The following FRYL variants were observed in gnomAD, a reference collection of about 807,000 sequenced individuals.
FRYL encodes protein furry homolog-like.
A neutral mutation model predicts 351.2 loss-of-function variants in FRYL; 150 were observed. That is an observed-to-expected ratio of 0.43 (90% CI 0.37 to 0.49). The LOEUF (loss-of-function observed/expected upper bound fraction) is 0.49, where lower values mean the gene tolerates loss of function less well. Ranked by LOEUF, FRYL falls within the 20% of genes least tolerant of loss-of-function variation. FRYL has a pLI of 0.00. For missense variants in FRYL, 3,036 were observed against 3,619.3 expected, an observed-to-expected ratio of 0.84 and a Z score of 4.13; for synonymous variants, 1,153 against 1,257.1, an observed-to-expected ratio of 0.92 and a Z score of 1.75.
At chr4:48,573,636 G>A (rs1366708910) in intron 25 of FRYL, among the ~76,000 whole-genome samples, 7 of 151,972 alleles carry the variant, frequency 4.6e-5, no homozygotes, top group South Asian at 4.2e-4. Context: ...TGCAACTTAC[G>A]CCTCCCGGAT....
intron 3 of FRYL, among the ~76,000 whole-genome samples, chr4:48,639,221 G>A (rs995563261): frequency 2.0e-5 from 3 of 151,978 alleles, no homozygotes; most frequent in African/African-American, 7.3e-5. Flanking sequence ...TATATGGAAA[G>A]GCAAATAATC....
Position 48,515,179 on chromosome 4 carries a change from C to A in FRYL, c.7786G>T (p.Gly2596Ter). 6.2e-7 allele frequency: 1 copy of A among 1,613,958 alleles called. No individual in the cohort carries two copies. The highest frequency in any genetic ancestry group is 8.5e-7 in the Non-Finnish European group (1 of 1,179,902). Residue 2596 changes from glycine (G) to a stop codon, truncating the protein, a stop_gained, in exon 56 of 64, where the codon GGA becomes TGA. Coordinates refer to ENST00000358350, the MANE Select transcript of FRYL (RefSeq NM_015030.2). LOFTEE classifies it high-confidence loss of function. ...QEQQESLVCQ[G>*]ILDLEETEMP... The stretch of plus-strand genomic sequence containing the variant: ...TCAGTTTCTTCTAAATCAAGAATTC[C>A]TTGACACACAAGAGATTCCTGCTGT...
intron 3 of FRYL, among the ~76,000 whole-genome samples, chr4:48,679,481 T>C (rs1309792423): frequency 6.6e-6 from 1 of 152,020 alleles, no homozygotes; most frequent in East Asian, 1.9e-4. Context: ...GGTAATCGCA[T>C]TGTCTATCAA....
intron 1 of FRYL, among the ~76,000 whole-genome samples, chr4:48,763,556 C>A (rs1774631964): frequency 6.6e-6 from 1 of 152,022 alleles, no homozygotes; most frequent in Non-Finnish European, 1.5e-5. Flanking sequence ...AGTACATGTA[C>A]CCCTTAAAAG....
intron 3 of FRYL, among the ~76,000 whole-genome samples, chr4:48,643,974 G>A (rs553170586): frequency 7.2e-5 from 11 of 151,884 alleles, no homozygotes; most frequent in South Asian, 4.2e-4. Flanking sequence ...ATGGAGTTGC[G>A]CTCTTATTGT....
In FRYL at chr4:48,561,608, G is replaced by C. The variant is rs1236398089; in HGVS notation, c.3725C>G (p.Ala1242Gly). ...TGTTCTCTGAACCTCCAATTTGTGA[G>C]CATAGCGAAACATCTTCGGTTCCAG... is the stretch of plus-strand genomic sequence containing the variant. ...QILEPKMFRY[A>G]HKLEVQRTDG... Residue 1242 changes from alanine (A) to glycine (G), a missense_variant, in exon 33 of 64, where the codon GCT (alanine) becomes GGT (glycine). By Grantham distance (60) the Ala-to-Gly change is moderately conservative. Around this residue, in one of 7 missense-constraint regions of FRYL, gnomAD observed 1,987 missense variants for 2,311.7 expected, o/e 0.86. Transcript: ENST00000358350. The C allele has an allele frequency of 1.2e-6, 2 of 1,610,824 alleles. No individual in the cohort carries two copies. Among genetic ancestry groups the C allele is most frequent in the Admixed American group, 3.3e-5 (2 of 59,946 alleles).
rs774211245 is a variant in FRYL, at chr4:48,590,765, T to A, written c.1401A>T (p.Glu467Asp). 3 of 1,613,690 alleles carry A rather than the reference T, an allele frequency of 1.9e-6. No individual in the cohort carries two copies. The Admixed American group carries it at 5.0e-5, about 27-fold the overall frequency. The change falls in exon 17 of 64, where the codon GAA (glutamate) becomes GAT (aspartate). Residue 467 changes from glutamate (E) to aspartate (D), a missense_variant. Around this residue, in one of 7 missense-constraint regions of FRYL, gnomAD observed 457 missense variants for 566.6 expected, o/e 0.81. Coordinates refer to ENST00000358350, the MANE Select transcript of FRYL (RefSeq NM_015030.2). ...TAACTCCTGTTGTTGGCATGGGTGG[T>A]TCACCATCTTTCTGCTGCAAACTGT... ...IADSLQQKDG[E>D]PPMPTTGVIL...
Position 48,540,000 on chromosome 4 carries a change from A to T in FRYL, c.6364T>A (p.Cys2122Ser), listed in dbSNP as rs762658520. 1.4e-5 allele frequency: 22 copies of T among 1,613,116 alleles called. No individual in the cohort carries two copies. Among genetic ancestry groups the T allele is most frequent in the Admixed American group, 6.7e-5 (4 of 59,946 alleles). ...IQHFDSPTQFCKETASRIAKV... is the reference protein window; with the variant it reads ...IQHFDSPTQFSKETASRIAKV... ...GCTATTCGACTAGCTGTTTCTTTGCAAAACTGAGTTGGGCTGTCAAAATGC... is the reference window on the plus strand; with the variant it reads ...GCTATTCGACTAGCTGTTTCTTTGCTAAACTGAGTTGGGCTGTCAAAATGC... Residue 2122 changes from cysteine to serine, a missense_variant, in exon 47 of 64, where the codon TGC (cysteine) becomes AGC (serine). By Grantham distance (112) the Cys-to-Ser change is moderately radical. Transcript: ENST00000358350.
At chr4:48,557,283 A>G (rs1300774175) in intron 34 of FRYL, among the ~76,000 whole-genome samples, 165 bp from the exon 35 acceptor site, 1 of 151,968 alleles carries the variant, frequency 6.6e-6, no homozygotes, top group African/African-American at 2.4e-5. Flanking sequence ...ACATAAATAT[A>G]ATTAATCATA....
intron 1 of FRYL, among the ~76,000 whole-genome samples, chr4:48,774,634 C>T (rs1775833083): frequency 1.3e-5 from 2 of 151,924 alleles, no homozygotes; most frequent in Admixed American, 1.3e-4. Flanking sequence ...CAACTTCCGC[C>T]TCCTGGGTTC....
intron 2 of FRYL, among the ~76,000 whole-genome samples, chr4:48,692,737 T>A (rs900005674): frequency 2.0e-5 from 3 of 152,238 alleles, no homozygotes; most frequent in Non-Finnish European, 4.4e-5. Flanking sequence ...TATTGCTTAT[T>A]TATTATTGTT....
At chr4:48,609,921 G>T in intron 7 of FRYL, 98 bp from the exon 8 acceptor site, 1 of 555,914 alleles carries the variant, frequency 1.8e-6, no homozygotes, top group South Asian at 3.2e-5. Flanking sequence ...CAATCTTAAT[G>T]TTCATGGGAT....
chr4:48,589,364 T>A (rs1034153123), intron 18 of FRYL, among the ~76,000 whole-genome samples: 5 of 126,814 alleles, frequency 3.9e-5, no homozygotes, highest in Admixed American at 2.9e-4. Context: ...TAATCAGAGT[T>A]CAGATTTTCA....
At chr4:48,687,527 A>G (rs1425530593) in intron 2 of FRYL, among the ~76,000 whole-genome samples, 1 of 149,242 alleles carries the variant, frequency 6.7e-6, no homozygotes. Flanking sequence ...GGGGGGCGGA[A>G]AGCCTCGCTT....
chr4:48,586,227 T>C (rs1460235243), intron 19 of FRYL, among the ~76,000 whole-genome samples: 1 of 152,098 alleles, frequency 6.6e-6, no homozygotes, highest in Non-Finnish European at 1.5e-5. Context: ...AAATGAGACC[T>C]GATTACCACT....
At chr4:48,563,105 G>A (rs1342960194) in intron 31 of FRYL, 117 bp from the exon 32 acceptor site, 4 of 623,610 alleles carry the variant, frequency 6.4e-6, no homozygotes, top group Non-Finnish European at 1.1e-5. Context: ...AAGCCTATGA[G>A]GAGACTTGGT....
chr4:48,504,441 G>GT (rs1298795518), intron 60 of FRYL, among the ~76,000 whole-genome samples: 1 of 152,052 alleles, frequency 6.6e-6, no homozygotes, highest in African/African-American at 2.4e-5. Context: ...TAAACACCTA[G>GT]TTTTTGTAGG....
chr4:48,680,049 A>C (rs1416559364), intron 3 of FRYL, among the ~76,000 whole-genome samples: 1 of 152,086 alleles, frequency 6.6e-6, no homozygotes, highest in Non-Finnish European at 1.5e-5. Flanking sequence ...TGAAAAAGCA[A>C]GTATCAGAAT....
At chr4:48,521,816 AG>A (rs1229397557) in intron 54 of FRYL, among the ~76,000 whole-genome samples, 2 of 152,198 alleles carry the variant, frequency 1.3e-5, no homozygotes, top group Admixed American at 1.3e-4. Flanking sequence ...AGGGGCAGTT[AG>A]TGGAAAGACA....
Sources: allele counts gnomAD v4.1 joint callset (sites outside exome capture counted in the v4.1 genomes callset), GRCh38; gene constraint gnomAD v4.1.1; regional missense constraint gnomAD v4.1.1; transcripts MANE v1.5; gene names NCBI Gene and HGNC (gene_info 2026-07-23, HGNC 2026-07-21).